Variants in ARHGAP39 observed in about 807,000 individuals in gnomAD.
The protein encoded by ARHGAP39 is Rho GTPase activating protein 39, also known as rho GTPase-activating protein 39.
Under a neutral mutation model 106.9 loss-of-function variants are expected in ARHGAP39, and 44 were observed. The ratio of observed to expected loss-of-function variants is 0.41; its 90% CI spans 0.32 to 0.53. The LOEUF (loss-of-function observed/expected upper bound fraction) is 0.53. Among genes scored for constraint, ARHGAP39 ranks in the 20% least tolerant of loss-of-function variants. The pLI is 0.21. For missense variants in ARHGAP39, 1,496 were observed against 1,577.3 expected, an observed-to-expected ratio of 0.95 and a Z score of 0.87; for synonymous variants, 768 against 693.2, an observed-to-expected ratio of 1.11 and a Z score of -1.69.
intron 8 of ARHGAP39, 67 bp from the exon 9 acceptor site, chr8:144,533,392 GTCT>G: frequency 6.6e-7 from 1 of 1,518,680 alleles, no homozygotes; most frequent in Non-Finnish European, 9.0e-7. Context: ...CACCCCGGTT[GTCT>G]TCTTTCCCCG....
intron 6 of ARHGAP39, among the ~76,000 whole-genome samples, chr8:144,538,181 C>G (rs1037012416): frequency 6.6e-6 from 1 of 152,250 alleles, no homozygotes; most frequent in African/African-American, 2.4e-5. Flanking sequence ...GGGCCCCCTG[C>G]CTGCCGGTCA....
chr8:144,683,895 G>C (rs1176028349), intron 1 of ARHGAP39, among the ~76,000 whole-genome samples: 5 of 152,176 alleles, frequency 3.3e-5, no homozygotes, highest in African/African-American at 1.2e-4. Flanking sequence ...GATCTTGGCA[G>C]TAATAACCAT....
In ARHGAP39 at chr8:144,552,398, G is replaced by A. The variant is rs138430515; in HGVS notation, c.596+3162C>T. 3.4e-3 allele frequency among the ~76,000 whole-genome samples: 512 copies of A among 152,370 alleles called. 3 individuals are homozygous for A. Among genetic ancestry groups the A allele is most frequent in the African/African-American group, 0.012 (488 of 41,592 alleles). ...GGAGAAGCGCGCGGCGGCAGCAGCC[G>A]ACAGGCTCCCAACCCAATGCCGCAG... On this transcript the variant is annotated intron_variant, in intron 4 of 11. Transcript: ENST00000377307.
At chr8:144,623,812 C>T (rs1820868648) in intron 1 of ARHGAP39, among the ~76,000 whole-genome samples, 1 of 152,210 alleles carries the variant, frequency 6.6e-6, no homozygotes, top group South Asian at 2.1e-4. Flanking sequence ...AAATGCACCG[C>T]CCAGAATCAG....
chr8:144,666,603 T>C (rs558354310), intron 1 of ARHGAP39, among the ~76,000 whole-genome samples: 1 of 152,344 alleles, frequency 6.6e-6, no homozygotes, highest in South Asian at 2.1e-4. Flanking sequence ...GGGGGGCTTC[T>C]GCCTTTGCTT....
intron 3 of ARHGAP39, among the ~76,000 whole-genome samples, chr8:144,569,808 C>T (rs1323222608): frequency 1.3e-5 from 2 of 152,180 alleles, no homozygotes; most frequent in Admixed American, 6.5e-5. Flanking sequence ...ATAAAGTTGA[C>T]ACACTTGAAG....
rs1331796505 is a variant in ARHGAP39, at chr8:144,671,358, A to G, written c.-82+14328T>C. On this transcript the variant is annotated intron_variant, in intron 1 of 11. Transcript: ENST00000377307. This position sits in a 1 kb window ranked among gnomAD's most constrained non-coding sequence, Gnocchi z 4.5. The stretch of plus-strand genomic sequence containing the variant: ...TTTTCCGCAAAAGAAATGAACGAAT[A>G]AAGCTGGAGTTAGAAAGAAGCTATT... 6.6e-6 allele frequency among the ~76,000 whole-genome samples: 1 copy of G among 152,248 alleles called. No individual in the cohort carries two copies. The highest frequency in any genetic ancestry group is 2.4e-5 in the African/African-American group (1 of 41,474).
intron 1 of ARHGAP39, among the ~76,000 whole-genome samples, chr8:144,674,349 T>C (rs915631579): frequency 6.6e-6 from 1 of 152,214 alleles, no homozygotes; most frequent in Non-Finnish European, 1.5e-5. Flanking sequence ...CGGGTTGTCT[T>C]GACGACTGTT....
chr8:144,698,894 G>C, the ARHGAP39 span: 1 of 455,906 alleles, frequency 2.2e-6, no homozygotes, highest in South Asian at 1.5e-5. Context: ...CCCTTGGGGG[G>C]GTTGGGGGGT....
intron 1 of ARHGAP39, among the ~76,000 whole-genome samples, chr8:144,634,996 A>C (rs1201379760): frequency 1.3e-5 from 2 of 152,248 alleles, no homozygotes; most frequent in Non-Finnish European, 2.9e-5. Context: ...TCACACATTC[A>C]CTTCTCAGGG....
Position 144,644,202 on chromosome 8 carries a change from C to T in ARHGAP39, c.-81-38507G>A, listed in dbSNP as rs1307796530. On this transcript the variant is annotated intron_variant, in intron 1 of 11. Coordinates refer to ENST00000377307, the MANE Select transcript of ARHGAP39 (RefSeq NM_025251.3). The surrounding 1 kb of genome is among the most constrained non-coding windows in gnomAD (Gnocchi z 4.8). ...ACGATGGGGGAGAAAAGACGGTGGACCCACTCAATGCGATGCTTCAGCCAT... is the reference window on the plus strand; with the variant it reads ...ACGATGGGGGAGAAAAGACGGTGGATCCACTCAATGCGATGCTTCAGCCAT... 2.0e-5 allele frequency among the ~76,000 whole-genome samples: 3 copies of T among 152,142 alleles called. No homozygotes were observed. The highest frequency in any genetic ancestry group is 2.9e-5 in the Non-Finnish European group (2 of 68,034).
rs565937963 is a variant in ARHGAP39, at chr8:144,684,335, T to C, written c.-82+1351A>G. On this transcript the variant is annotated intron_variant, in intron 1 of 11. Transcript: ENST00000377307. The surrounding 1 kb of genome is among the most constrained non-coding windows in gnomAD (Gnocchi z 4.4). ...CGCGAGAATCGCACCTTGCTCCTTG[T>C]GGATCGGGCGCCGCCGACGGAACCA... Among the ~76,000 whole-genome samples, 2 of 152,244 alleles carry C rather than the reference T, an allele frequency of 1.3e-5. No homozygotes were observed. The highest frequency in any genetic ancestry group is 6.5e-5 in the Admixed American group (1 of 15,288).
chr8:144,545,179 G>A (rs1262171292), intron 6 of ARHGAP39, 70 bp downstream of exon 6: 5 of 1,363,384 alleles, frequency 3.7e-6, no homozygotes, highest in East Asian at 2.5e-5. Context: ...ACCAGCTGCC[G>A]CCCAGCACAG....
In ARHGAP39 at chr8:144,534,221, T is replaced by C. The variant is rs749883063; in HGVS notation, c.2615-19A>G. ...GCCACCCCTGGAAAGGAAAGGGGCCTGATCAGCCTGATGTGGGTGTGTGGG... is the reference window on the plus strand; with the variant it reads ...GCCACCCCTGGAAAGGAAAGGGGCCCGATCAGCCTGATGTGGGTGTGTGGG... On this transcript the variant is annotated intron_variant, in intron 7 of 11. Transcript: ENST00000377307. The C allele has an allele frequency of 3.7e-6, 6 of 1,612,720 alleles. No individual in the cohort carries two copies. In the African/African-American group the frequency reaches 6.7e-5, roughly 18 times the overall value.
In ARHGAP39 at chr8:144,657,172, T is replaced by C. The variant is rs1388895869; in HGVS notation, c.-82+28514A>G. On this transcript the variant is annotated intron_variant, in intron 1 of 11. Transcript: ENST00000377307. ...ACTTTTGCAGGCCAAGGTGGGTAGA[T>C]TGTTTGAACCCAAAAGTTCAAGACC... 8.6e-5 allele frequency among the ~76,000 whole-genome samples: 13 copies of C among 151,760 alleles called. No homozygotes were observed. The East Asian group carries it at 1.9e-3, about 23-fold the overall frequency.
chr8:144,562,406 G>GAC, intron 3 of ARHGAP39, among the ~76,000 whole-genome samples: 1 of 129,892 alleles, frequency 7.7e-6, no homozygotes, highest in African/African-American at 3.0e-5. Context: ...TTTCCATCGC[G>GAC]CTCCAGTGGT....
At chr8:144,681,591 C>G (rs1586655859) in intron 1 of ARHGAP39, among the ~76,000 whole-genome samples, 1 of 152,172 alleles carries the variant, frequency 6.6e-6, no homozygotes, top group South Asian at 2.1e-4. Context: ...ACAAGCCTAC[C>G]AGGAGGCTGC....
At chr8:144,600,695 G>T (rs1042983316) in intron 2 of ARHGAP39, among the ~76,000 whole-genome samples, 7 of 151,152 alleles carry the variant, frequency 4.6e-5, no homozygotes, top group African/African-American at 7.3e-5. Flanking sequence ...CGTGTGCGTG[G>T]AGACGTGCGT....
At chr8:144,636,297 C>T (rs1821171310) in intron 1 of ARHGAP39, among the ~76,000 whole-genome samples, 1 of 152,146 alleles carries the variant, frequency 6.6e-6, no homozygotes, top group South Asian at 2.1e-4. Flanking sequence ...AAACTCAATA[C>T]TCAGCTAATG....
Sources: gnomAD v4.1 joint callset for allele counts (sites outside exome capture counted in the v4.1 genomes callset) on GRCh38, gnomAD v4.1.1 for gene constraint, Gnocchi (gnomAD v3.1) non-coding constraint, MANE v1.5 for transcripts, NCBI Gene and HGNC (gene_info 2026-07-23, HGNC 2026-07-21) for gene names.